Variants in KIF3C observed in about 807,000 individuals in gnomAD.
The protein encoded by KIF3C is kinesin family member 3C.
A neutral mutation model predicts 67.7 loss-of-function variants in KIF3C; 12 were observed. The ratio of observed to expected loss-of-function variants is 0.18; its 90% CI spans 0.11 to 0.29. The LOEUF is 0.29. KIF3C is among the 10% of genes least tolerant of loss of function. KIF3C has a pLI of 1.00. For missense variants in KIF3C, 789 were observed against 1,059.6 expected (o/e 0.74, Z 3.55); for synonymous variants, 393 against 426.2 (o/e 0.92, Z 0.96).
chr2:25,966,295 G>T (rs1263842657), intron 1 of KIF3C, among the ~76,000 whole-genome samples: 1 of 151,872 alleles, frequency 6.6e-6, no homozygotes, highest in East Asian at 1.9e-4. Flanking sequence ...TAGTAGAGAT[G>T]GGGTTTCACC....
intron 1 of KIF3C, among the ~76,000 whole-genome samples, chr2:25,963,257 G>A (rs182724626): frequency 3.1e-4 from 39 of 125,848 alleles, no homozygotes; most frequent in Admixed American, 2.7e-3. Context: ...CCAGGCTGGA[G>A]TGCAGTGGTG....
chr2:25,965,638 A>G (rs984340910), intron 1 of KIF3C, among the ~76,000 whole-genome samples: 22 of 151,596 alleles, frequency 1.5e-4, no homozygotes, highest in African/African-American at 5.3e-4. Context: ...AGAGATCTCT[A>G]TCCTTAACCA....
chr2:25,966,696 C>T (rs533647324), intron 1 of KIF3C, among the ~76,000 whole-genome samples: 1 of 152,330 alleles, frequency 6.6e-6, no homozygotes, highest in South Asian at 2.1e-4. Context: ...AGCCACTCTT[C>T]TGGAAAGATA....
chr2:25,938,971 T>TC (rs1355348590), intron 5 of KIF3C, among the ~76,000 whole-genome samples: 2 of 151,822 alleles, frequency 1.3e-5, no homozygotes, highest in African/African-American at 4.8e-5. Flanking sequence ...TCACTTCCTT[T>TC]CCCCTCTCCT....
intron 5 of KIF3C, among the ~76,000 whole-genome samples, chr2:25,946,922 T>G (rs1341577084): frequency 6.7e-6 from 1 of 150,084 alleles, no homozygotes; most frequent in African/African-American, 2.5e-5. Flanking sequence ...GAGGCCGAGG[T>G]AGGCGGATCA....
At chr2:25,962,004 G>C (rs1559554892) in intron 1 of KIF3C, among the ~76,000 whole-genome samples, 1 of 151,506 alleles carries the variant, frequency 6.6e-6, no homozygotes, top group Non-Finnish European at 1.5e-5. Flanking sequence ...AAGAGGATAA[G>C]TCTGGAAATG....
chr2:25,943,606 G>A (rs987203425), intron 5 of KIF3C, among the ~76,000 whole-genome samples: 6 of 152,152 alleles, frequency 3.9e-5, no homozygotes, highest in Admixed American at 6.6e-5. Context: ...CATTTTGGGA[G>A]GCCGAGGTGG....
At position 25,958,936 on chromosome 2, in the gene KIF3C, T is replaced by A. The variant is rs1460720496; in HGVS notation, c.1546-2492A>T. ...CTAAAAATACAAAATTAGCTGGGCA[T>A]AATGGCACATGCCTGTAATCCCAGC... On this transcript the variant is annotated intron_variant, in intron 1 of 7. Transcript: ENST00000264712. This position sits in a 1 kb window ranked among gnomAD's most constrained non-coding sequence, Gnocchi z 4.5. 6.6e-6 allele frequency among the ~76,000 whole-genome samples: 1 copy of A among 152,048 alleles called. No individual in the cohort carries two copies. Among genetic ancestry groups the A allele is most frequent in the East Asian group, 1.9e-4 (1 of 5,150 alleles).
intron 1 of KIF3C, among the ~76,000 whole-genome samples, chr2:25,963,174 GTA>G (rs1553716012): frequency 0.012 from 403 of 34,296 alleles, 6 homozygotes; most frequent in Middle Eastern, 0.022. Context: ...ATGTGTGTGT[GTA>G]TATATATATA....
In KIF3C at chr2:25,982,194, C is replaced by T. The variant is rs1664620129; in HGVS notation, c.-277G>A. ...AGCAGCGCCTGCCGAGCAGCCGTGCCCGGAGCCCGCCCCATGCAGGAGCAG... is the reference window on the plus strand; with the variant it reads ...AGCAGCGCCTGCCGAGCAGCCGTGCTCGGAGCCCGCCCCATGCAGGAGCAG... On this transcript the variant is annotated 5_prime_UTR_variant, in exon 1 of 8. Transcript: ENST00000264712. 1.8e-5 allele frequency: 8 copies of T among 442,410 alleles called. No individual in the cohort carries two copies. The South Asian group carries it at 4.4e-4, about 25-fold the overall frequency. 27.4% of individuals were successfully genotyped at this position (442,410 alleles called of 1,614,324 possible).
intron 5 of KIF3C, among the ~76,000 whole-genome samples, chr2:25,948,656 GAGAA>G (rs1446021431): frequency 2.8e-5 from 4 of 144,594 alleles, no homozygotes; most frequent in Non-Finnish European, 6.0e-5. Flanking sequence ...AAGAGAGAAA[GAGAA>G]AGAGAGAAAG....
chr2:25,935,041 C>T (rs189030958), intron 5 of KIF3C, among the ~76,000 whole-genome samples: 200 of 152,060 alleles, frequency 1.3e-3, no homozygotes, highest in African/African-American at 4.4e-3. Context: ...GTCAGGAGTT[C>T]GAGACCAGCC....
intron 5 of KIF3C, among the ~76,000 whole-genome samples, chr2:25,939,422 C>T (rs1482189254): frequency 6.6e-6 from 1 of 152,166 alleles, no homozygotes; most frequent in South Asian, 2.1e-4. Context: ...CACTGCCCTG[C>T]TTGTCTGAAC....
chr2:25,951,497 C>G (rs759360785), intron 5 of KIF3C: 1 of 358,632 alleles, frequency 2.8e-6, no homozygotes, highest in Non-Finnish European at 5.2e-6. Context: ...TGTTAGCATT[C>G]GCTAGGATTG....
intron 5 of KIF3C, among the ~76,000 whole-genome samples, chr2:25,950,334 C>T (rs962836403): frequency 1.6e-4 from 24 of 151,854 alleles, no homozygotes; most frequent in African/African-American, 4.6e-4. Flanking sequence ...TCTCCTGCCT[C>T]AGCCTCCCTA....
intron 1 of KIF3C, among the ~76,000 whole-genome samples, chr2:25,959,899 G>C (rs1460679812): frequency 6.6e-6 from 1 of 152,130 alleles, no homozygotes; most frequent in East Asian, 1.9e-4. Context: ...GTGGACCATG[G>C]ATACCTGATC....
chr2:25,980,320 C>A lies in KIF3C; in HGVS notation c.1545+53G>T, dbSNP rs1395752150. 4 of 1,446,926 alleles carry A rather than the reference C, an allele frequency of 2.8e-6. No homozygotes were observed. In the East Asian group the frequency reaches 6.8e-5, roughly 25 times the overall value. 89.6% of individuals were successfully genotyped at this position (1,446,926 alleles called of 1,614,324 possible). On this transcript the variant is annotated intron_variant, in intron 1 of 7. Coordinates refer to ENST00000264712, the MANE Select transcript of KIF3C (RefSeq NM_002254.8). The surrounding 1 kb of genome is among the most constrained non-coding windows in gnomAD (Gnocchi z 7.6). ...AGACTCTCAAAGAAGAGCCTCCTTG[C>A]CGGGATCCCCTGCGGGGACATCTCG...
At chr2:25,964,632 A>AT (rs1448843668) in intron 1 of KIF3C, among the ~76,000 whole-genome samples, 4 of 151,804 alleles carry the variant, frequency 2.6e-5, no homozygotes, top group Non-Finnish European at 4.4e-5. Flanking sequence ...ATGCCGGCTA[A>AT]TTTTTTTGGT....
At chr2:25,929,097 AG>A in intron 7 of KIF3C, 26 bp from the exon 8 acceptor site, 1 of 1,589,996 alleles carries the variant, frequency 6.3e-7, no homozygotes, top group Non-Finnish European at 8.6e-7. Context: ...CGCAGGCGAA[AG>A]GGGAGGTTAG....
Sources: gnomAD v4.1 joint callset for allele counts (sites outside exome capture counted in the v4.1 genomes callset) on GRCh38, gnomAD v4.1.1 for gene constraint, Gnocchi (gnomAD v3.1) non-coding constraint, MANE v1.5 for transcripts, NCBI Gene and HGNC (gene_info 2026-07-23, HGNC 2026-07-21) for gene names.